Variants in PYGL observed in about 807,000 individuals in gnomAD.
PYGL encodes the protein glycogen phosphorylase L, also known as glycogen phosphorylase, liver form.
In PYGL, 90 loss-of-function variants were observed where a neutral mutation model predicts 100.1. The ratio of observed to expected loss-of-function variants is 0.90; its 90% CI spans 0.76 to 1.07. The LOEUF (loss-of-function observed/expected upper bound fraction) is 1.07. Ranked by LOEUF, PYGL falls within the 50% of genes least tolerant of loss-of-function variation. PYGL has a pLI of 0.00. For missense variants in PYGL, 1,016 were observed against 1,057.6 expected, an observed-to-expected ratio of 0.96 and a Z score of 0.55; for synonymous variants, 373 against 393.0, an observed-to-expected ratio of 0.95 and a Z score of 0.60.
At chr14:50,938,385 A>G (rs1326765498) in intron 1 of PYGL, among the ~76,000 whole-genome samples, 4 of 54,740 alleles carry the variant, frequency 7.3e-5, no homozygotes, top group Non-Finnish European at 6.9e-5. Context: ...TAATTTTTCT[A>G]TTTTTAGTAG....
At chr14:50,911,613 G>T in intron 16 of PYGL, 117 bp downstream of exon 16, 1 of 1,352,238 alleles carries the variant, frequency 7.4e-7, no homozygotes, top group Non-Finnish European at 1.0e-6. Flanking sequence ...TTCTGCACAA[G>T]AGTGACACCT....
chr14:50,921,771 C>A (rs1178316633), intron 5 of PYGL, among the ~76,000 whole-genome samples: 1 of 152,084 alleles, frequency 6.6e-6, no homozygotes, highest in Non-Finnish European at 1.5e-5. Flanking sequence ...TGAATCTGTA[C>A]CCACCAAAAA....
At chr14:50,918,689 T>C (rs1409353782) in intron 7 of PYGL, among the ~76,000 whole-genome samples, 2 of 152,188 alleles carry the variant, frequency 1.3e-5, no homozygotes, top group Non-Finnish European at 2.9e-5. Context: ...AAAGACAATT[T>C]ATTGGGTGTA....
intron 3 of PYGL, among the ~76,000 whole-genome samples, chr14:50,932,689 C>T (rs948115248): frequency 6.6e-6 from 1 of 152,158 alleles, no homozygotes; most frequent in Non-Finnish European, 1.5e-5. Context: ...GAACAGTTAA[C>T]CAACAGGCTG....
chr14:50,920,495 A>G, intron 7 of PYGL, 46 bp downstream of exon 7: 1 of 1,513,872 alleles, frequency 6.6e-7, no homozygotes, highest in Non-Finnish European at 9.2e-7. Context: ...CTCTTGTGAA[A>G]TAAGCTGCCT....
rs141133206 is a variant in PYGL, at chr14:50,905,719, G to C, written c.2380-163C>G. Among the ~76,000 whole-genome samples, 515 of 152,312 alleles carry C rather than the reference G, an allele frequency of 3.4e-3. 2 individuals are homozygous for C. Among genetic ancestry groups the C allele is most frequent in the African/African-American group, 0.012 (492 of 41,544 alleles). ...TGTTTGTCTGTTGAGAGGTAGAATA[G>C]AATGCACTTTTCTCATATTTAGAGT... On this transcript the variant is annotated intron_variant, in intron 19 of 19. Transcript: ENST00000216392.
intron 5 of PYGL, chr14:50,923,745 T>C (rs1252785129): frequency 1.1e-5 from 3 of 280,800 alleles, no homozygotes; most frequent in African/African-American, 8.1e-5. Context: ...GGTTGCAAAA[T>C]GACCCTTATA....
chr14:50,914,025 A>T (rs1043604406), intron 12 of PYGL, among the ~76,000 whole-genome samples: 1 of 152,140 alleles, frequency 6.6e-6, no homozygotes, highest in African/African-American at 2.4e-5. Flanking sequence ...TTAAAGTGTT[A>T]AAAACAGGAA....
chr14:50,908,477 C>G lies in PYGL; in HGVS notation c.2313-140G>C, dbSNP rs1397400074. The G allele has an allele frequency of 5.9e-6, 5 of 852,172 alleles. No individual in the cohort carries two copies. The East Asian group carries it at 1.1e-4, about 18-fold the overall frequency. The allele number at this position is 852,172 out of a possible 1,614,324, so 52.8% of individuals were successfully genotyped here. A position where few individuals can be genotyped will look rare whatever the true frequency, so the allele number is the denominator to read the frequency against. ...CAAATTCATATTTCTGTTTGTAAGA[C>G]TTTTAACCAGCCCTCAACCTTCTTA... is the stretch of plus-strand genomic sequence containing the variant. On this transcript the variant is annotated intron_variant, in intron 18 of 19. Transcript: ENST00000216392.
intron 19 of PYGL, 132 bp downstream of exon 19, chr14:50,908,139 G>GTTT: frequency 4.0e-6 from 2 of 503,530 alleles, no homozygotes; most frequent in Non-Finnish European, 3.3e-6. Flanking sequence ...TGTTTTTGTT[G>GTTT]TTTTTTTTTT....
chr14:50,925,154 A>G (rs541355453), intron 4 of PYGL, among the ~76,000 whole-genome samples: 4 of 152,376 alleles, frequency 2.6e-5, no homozygotes, highest in Admixed American at 2.6e-4. Context: ...ACAAACCTGT[A>G]CAGCACGTTA....
At chr14:50,916,597 G>T in intron 9 of PYGL, 45 bp downstream of exon 9, 2 of 1,524,526 alleles carry the variant, frequency 1.3e-6, no homozygotes, top group Non-Finnish European at 1.8e-6. Flanking sequence ...TTCAACTGCA[G>T]CCATTCTGGT....
chr14:50,930,911 C>G (rs2050595572), intron 4 of PYGL, among the ~76,000 whole-genome samples: 1 of 151,600 alleles, frequency 6.6e-6, no homozygotes, highest in Non-Finnish European at 1.5e-5. Context: ...ACTGTAGACT[C>G]AAACAGTTAC....
intron 19 of PYGL, among the ~76,000 whole-genome samples, chr14:50,907,062 G>T (rs1448285437): frequency 2.0e-5 from 3 of 152,076 alleles, no homozygotes; most frequent in African/African-American, 7.2e-5. Flanking sequence ...TAGGGTATCT[G>T]AAATTCACTA....
intron 1 of PYGL, among the ~76,000 whole-genome samples, chr14:50,941,895 G>A (rs529128877): frequency 7.9e-5 from 12 of 152,012 alleles, no homozygotes; most frequent in African/African-American, 1.7e-4. Context: ...AACAAAACAC[G>A]GGAAGATGGG....
intron 4 of PYGL, among the ~76,000 whole-genome samples, chr14:50,927,124 C>T (rs982967264): frequency 1.3e-5 from 2 of 152,140 alleles, no homozygotes; most frequent in Admixed American, 1.3e-4. Context: ...CCCCAAGAAG[C>T]CTGAAATGCT....
At chr14:50,934,715 A>C (rs1596050073) in intron 3 of PYGL, among the ~76,000 whole-genome samples, 1 of 152,166 alleles carries the variant, frequency 6.6e-6, no homozygotes, top group East Asian at 1.9e-4. Context: ...AATGTGAATG[A>C]ATATGCAGAA....
chr14:50,916,859 C>G, intron 8 of PYGL, 103 bp downstream of exon 8: 2 of 1,553,580 alleles, frequency 1.3e-6, no homozygotes, highest in Non-Finnish European at 1.8e-6. Flanking sequence ...GCACACTATT[C>G]CTGCTCAACG....
In PYGL at chr14:50,908,376, A is replaced by C. The variant is rs201417859; in HGVS notation, c.2313-39T>G. 9 of 1,464,088 alleles carry C rather than the reference A, an allele frequency of 6.1e-6. No individual in the cohort carries two copies. In the East Asian group the frequency reaches 2.0e-4, roughly 33 times the overall value. The allele number at this position is 1,464,088 out of a possible 1,614,324, so 90.7% of individuals were successfully genotyped here. ...AGTGGAAGAGGAAAAAAACAGTCAA[A>C]ATCTTCATTAATAGATATATGCTAA... On this transcript the variant is annotated intron_variant, in intron 18 of 19. Transcript: ENST00000216392.
Sources: gnomAD v4.1 joint callset for allele counts (sites outside exome capture counted in the v4.1 genomes callset) on GRCh38, gnomAD v4.1.1 for gene constraint, MANE v1.5 for transcripts, NCBI Gene and HGNC (gene_info 2026-07-23, HGNC 2026-07-21) for gene names.